ALOXE3: variants seen among roughly 807,000 people sequenced by gnomAD.
ALOXE3 encodes the protein arachidonate epidermal lipoxygenase 3.
A neutral mutation model predicts 87.5 loss-of-function variants in ALOXE3; 78 were observed. The ratio of observed to expected loss-of-function variants is 0.89; its 90% CI spans 0.74 to 1.08. The LOEUF (loss-of-function observed/expected upper bound fraction) is 1.08. Ranked by LOEUF, ALOXE3 falls within the 50% of genes least tolerant of loss-of-function variation. ALOXE3 has a pLI of 0.00. For synonymous variants in ALOXE3, 363 were observed against 370.8 expected, an observed-to-expected ratio of 0.98 and a Z score of 0.24; for missense variants, 946 against 912.4, an observed-to-expected ratio of 1.04 and a Z score of -0.47.
At chr17:8,099,802 G>A (rs979276215) in intron 15 of ALOXE3, among the ~76,000 whole-genome samples, 15 of 152,092 alleles carry the variant, frequency 9.9e-5, no homozygotes, top group South Asian at 2.1e-4. Flanking sequence ...AGATGCAGTG[G>A]CTCACACCTA....
At chr17:8,115,710 C>G in intron 3 of ALOXE3, 22 bp from the exon 4 acceptor site, 3 of 1,602,620 alleles carry the variant, frequency 1.9e-6, no homozygotes, top group Non-Finnish European at 2.6e-6. Context: ...GAAAATTACT[C>G]TTGGTATAAG....
intron 14 of ALOXE3, 95 bp downstream of exon 14, chr17:8,104,020 C>T (rs1020257784): frequency 7.4e-6 from 8 of 1,075,634 alleles, no homozygotes; most frequent in African/African-American, 3.1e-5. Context: ...ATAAACCCAC[C>T]CCAACGCTGA....
chr17:8,114,346 G>T (rs199519204), intron 6 of ALOXE3, 138 bp downstream of exon 6: 1 of 1,217,370 alleles, frequency 8.2e-7, no homozygotes, highest in Non-Finnish European at 1.2e-6. Flanking sequence ...GGCAGGGAGA[G>T]GGAATGAGTC....
Position 8,106,761 on chromosome 17 carries a change from G to T in ALOXE3, c.1684+1707C>A, listed in dbSNP as rs58246764. Among the ~76,000 whole-genome samples, 1,437 of 152,288 alleles carry T rather than the reference G, an allele frequency of 9.4e-3. 20 individuals are homozygous for T. The highest frequency in any genetic ancestry group is 0.033 in the African/African-American group (1,362 of 41,544). ...GAATCGCTTGAACCGGGAGGTGGAG[G>T]TTAACTTGTGTGTTTTCCCTTTTTA... On this transcript the variant is annotated intron_variant, in intron 13 of 15. Transcript: ENST00000448843.
Position 8,115,607 on chromosome 17 carries a change from C to T in ALOXE3, c.434G>A (p.Arg145His), listed in dbSNP as rs745480657. The T allele has an allele frequency of 2.2e-5, 35 of 1,612,120 alleles. No homozygotes were observed. In the South Asian group the frequency reaches 2.2e-4, roughly 10 times the overall value. The part of the protein sequence containing the change: ...RELRARQECY[R>H]WKIYAPGFPC... ...AGAAGTCAAATTAGGCCACCCTCACCGGTAGCATTCTTGTCGGGCCCGGAG... is the reference window on the plus strand; with the variant it reads ...AGAAGTCAAATTAGGCCACCCTCACTGGTAGCATTCTTGTCGGGCCCGGAG... Residue 145 changes from arginine to histidine, a missense_variant and splice_region_variant, in exon 4 of 16, where the codon CGC (arginine) becomes CAC (histidine). Arg to His is a conservative substitution (Grantham distance 29, BLOSUM62 0). Coordinates refer to ENST00000448843, the MANE Select transcript of ALOXE3 (RefSeq NM_021628.3).
At chr17:8,114,408 G>A in intron 6 of ALOXE3, 76 bp downstream of exon 6, 2 of 1,602,222 alleles carry the variant, frequency 1.2e-6, no homozygotes, top group Non-Finnish European at 8.5e-7. Context: ...TAGGGAGAAG[G>A]GGCAGTCTGG....
Position 8,117,891 on chromosome 17 carries a change from G to A in ALOXE3, c.100C>T (p.Pro34Ser). 1 of 1,611,938 alleles carries A rather than the reference G, an allele frequency of 6.2e-7. No homozygotes were observed. Among genetic ancestry groups the A allele is most frequent in the Non-Finnish European group, 8.5e-7 (1 of 1,179,642 alleles). ...VTLVGTCGESPKQRLDRMGRD... is the reference protein window; with the variant it reads ...VTLVGTCGESSKQRLDRMGRD... ...CCCATTCGATCTAGCCGCTGCTTGG[G>A]GCTTTCACCACACGTGCCCACCAGT... The change falls in exon 2 of 16, where the codon CCC becomes TCC. Residue 34 changes from proline (P) to serine (S), a missense_variant. Coordinates refer to ENST00000448843, the MANE Select transcript of ALOXE3 (RefSeq NM_021628.3).
At chr17:8,103,035 T>C (rs1475241399) in intron 15 of ALOXE3, among the ~76,000 whole-genome samples, 1 of 152,198 alleles carries the variant, frequency 6.6e-6, no homozygotes, top group Non-Finnish European at 1.5e-5. Context: ...TGTGGACACA[T>C]AGGAAGTATC....
At chr17:8,112,337 C>G in intron 6 of ALOXE3, 141 bp from the exon 7 acceptor site, 1 of 679,232 alleles carries the variant, frequency 1.5e-6, no homozygotes, top group Non-Finnish European at 2.6e-6. Flanking sequence ...GAGAAAAAGT[C>G]TAGTACCCGG....
At chr17:8,101,666 T>C (rs1368642465) in intron 15 of ALOXE3, among the ~76,000 whole-genome samples, 1 of 151,890 alleles carries the variant, frequency 6.6e-6, no homozygotes, top group Non-Finnish European at 1.5e-5. Flanking sequence ...TTGTTTTTTG[T>C]TTTTGTGTCA....
At chr17:8,106,109 G>A (rs1344836284) in intron 13 of ALOXE3, among the ~76,000 whole-genome samples, 1 of 151,858 alleles carries the variant, frequency 6.6e-6, no homozygotes, top group African/African-American at 2.4e-5. Flanking sequence ...GAGGCTGGGA[G>A]AGGTGGGACT....
In ALOXE3 at chr17:8,112,148, C is replaced by T. The variant is rs1980146859; in HGVS notation, c.729G>A (p.Trp243Ter). The change falls in exon 7 of 16, where the codon TGG becomes TGA. Residue 243 changes from tryptophan (W) to a stop codon, truncating the protein, a stop_gained. Coordinates refer to ENST00000448843, the MANE Select transcript of ALOXE3 (RefSeq NM_021628.3). LOFTEE classifies it high-confidence loss of function. ...TGTTCTGCATGTCATCCAGCTTCTT[C>T]CAGGAGCCCTTGCGATCCAACAGCC... is the stretch of plus-strand genomic sequence containing the variant. ...LRGLLDRKGS[W>*]KKLDDMQNIF... 6.2e-7 allele frequency: 1 copy of T among 1,614,158 alleles called. No homozygotes were observed. The highest frequency in any genetic ancestry group is 8.5e-7 in the Non-Finnish European group (1 of 1,180,036).
At chr17:8,106,587 G>A (rs572208104) in intron 13 of ALOXE3, among the ~76,000 whole-genome samples, 16 of 152,238 alleles carry the variant, frequency 1.1e-4, no homozygotes, top group African/African-American at 3.9e-4. Context: ...GAACTTTTCC[G>A]TAGTTCATAT....
intron 3 of ALOXE3, 96 bp from the exon 4 acceptor site, chr17:8,115,784 G>A (rs1360039976): frequency 1.7e-5 from 20 of 1,197,292 alleles, no homozygotes; most frequent in South Asian, 7.3e-5. Context: ...AACCCAATCC[G>A]ACAGCCACAT....
At chr17:8,110,933 A>G (rs1980020912) in intron 8 of ALOXE3, among the ~76,000 whole-genome samples, 1 of 152,210 alleles carries the variant, frequency 6.6e-6, no homozygotes, top group South Asian at 2.1e-4. Flanking sequence ...TGACTGCCCC[A>G]AAAAGACTGG....
chr17:8,100,328 GGA>G (rs764769055), intron 15 of ALOXE3, among the ~76,000 whole-genome samples: 1 of 152,040 alleles, frequency 6.6e-6, no homozygotes, highest in East Asian at 1.9e-4. Context: ...GACAGCATAT[GGA>G]GAGAGAGAAA....
intron 7 of ALOXE3, 71 bp downstream of exon 7, chr17:8,112,022 A>T: frequency 7.1e-7 from 1 of 1,404,448 alleles, no homozygotes; most frequent in Non-Finnish European, 1.0e-6. Flanking sequence ...GCCCTTTCCC[A>T]GGAAGGAGAG....
chr17:8,115,816 GC>G (rs1477197130), intron 3 of ALOXE3, 128 bp from the exon 4 acceptor site: 5 of 862,908 alleles, frequency 5.8e-6, no homozygotes, highest in Non-Finnish European at 9.7e-6. Context: ...ACGTGGCGGT[GC>G]CCCCACGTTC....
At chr17:8,110,823 T>G (rs940377253) in intron 8 of ALOXE3, among the ~76,000 whole-genome samples, 7 of 152,306 alleles carry the variant, frequency 4.6e-5, no homozygotes, top group African/African-American at 1.7e-4. Context: ...TGGAATCCCC[T>G]TCTGACATCT....
Sources: gnomAD v4.1 joint callset for allele counts (sites outside exome capture counted in the v4.1 genomes callset) on GRCh38, gnomAD v4.1.1 for gene constraint, MANE v1.5 for transcripts, NCBI Gene and HGNC (gene_info 2026-07-23, HGNC 2026-07-21) for gene names.